Variants in SMG1 observed in about 807,000 individuals in gnomAD.
The protein encoded by SMG1 is serine/threonine-protein kinase SMG1.
In SMG1, 22 loss-of-function variants were observed where a neutral mutation model predicts 419.9. That is an observed-to-expected ratio of 0.05 (90% CI 0.04 to 0.07). SMG1 has a LOEUF of 0.07. SMG1 is among the 10% of genes least tolerant of loss of function. The probability of loss-of-function intolerance (pLI) is 1.00; values close to 1 mark genes in which losing one functional copy is unlikely to be tolerated. For synonymous variants in SMG1, 1,538 were observed against 1,553.5 expected (o/e 0.99, Z 0.23); for missense variants, 3,185 against 4,342.0 (o/e 0.73, Z 7.49).
intron 56 of SMG1, among the ~76,000 whole-genome samples, 175 bp downstream of exon 56, chr16:18,819,327 C>T (rs1417969464): frequency 6.6e-6 from 1 of 152,080 alleles, no homozygotes; most frequent in East Asian, 1.9e-4. Context: ...AAGGAAATAA[C>T]CTGCTGTGGG....
intron 23 of SMG1, among the ~76,000 whole-genome samples, chr16:18,865,078 A>C (rs2035428671): frequency 6.6e-6 from 1 of 152,240 alleles, no homozygotes; most frequent in Non-Finnish European, 1.5e-5. Context: ...TAATGCTGAA[A>C]TACAACATTA....
At chr16:18,925,698 G>A (rs976298542) in intron 1 of SMG1, 9 of 263,202 alleles carry the variant, frequency 3.4e-5, no homozygotes, top group Non-Finnish European at 6.4e-5. Context: ...CCGACCCCAG[G>A]CCAGTGCCAC....
chr16:18,860,633 A>C (rs974679439), intron 26 of SMG1, 34 bp downstream of exon 26: 6 of 945,842 alleles, frequency 6.3e-6, no homozygotes, highest in Non-Finnish European at 9.8e-6. Flanking sequence ...CAACTTGTCC[A>C]CTAAAATAAC....
chr16:18,846,419 T>A (rs1244340817), intron 38 of SMG1, among the ~76,000 whole-genome samples: 1 of 152,022 alleles, frequency 6.6e-6, no homozygotes, highest in East Asian at 1.9e-4. Flanking sequence ...CTATACACTA[T>A]GAAGAGAATG....
At chr16:18,899,871 C>T (rs960324941) in intron 1 of SMG1, 15 of 669,716 alleles carry the variant, frequency 2.2e-5, no homozygotes, top group East Asian at 1.9e-4. Context: ...CTTTAATATT[C>T]TAAAAATATC....
chr16:18,864,110 G>A lies in SMG1; in HGVS notation c.3385C>T (p.Leu1129=), dbSNP rs2035359048. The A allele has an allele frequency of 1.9e-6, 3 of 1,548,722 alleles. No individual in the cohort carries two copies. Among genetic ancestry groups the A allele is most frequent in the East Asian group, 2.4e-5 (1 of 40,890 alleles). ...CAATCAACACCTGTCATGGCACACA[G>A]GTGTTCCTGGTACTCCACAGAGGCC... is the stretch of plus-strand genomic sequence containing the variant. ...EKASVEYQEH[L]CAMTGVDCCI... The change falls in exon 24 of 63, where the codon CTG becomes TTG. Residue 1129 remains leucine, a synonymous_variant. Transcript: ENST00000446231.
At chr16:18,837,946 A>G (rs2033683251) in intron 45 of SMG1, 68 bp downstream of exon 45, 6 of 1,518,920 alleles carry the variant, frequency 4.0e-6, no homozygotes, top group East Asian at 2.4e-5. Flanking sequence ...TTGCCTCAAC[A>G]TTTTGATGAG....
rs2033694474 is a variant in SMG1, at chr16:18,838,114, T to C, written c.7313A>G (p.Tyr2438Cys). The C allele has an allele frequency of 6.2e-7, 1 of 1,613,804 alleles. No homozygotes were observed. Among genetic ancestry groups the C allele is most frequent in the Non-Finnish European group, 8.5e-7 (1 of 1,179,878 alleles). ...GGEAGFAGAV[Y>C]GGGGQQAESK... ...CTCGGCCTGCTGGCCACCTCCACCA[T>C]AGACAGCACCAGCAAACCCAGCCTC... is the stretch of plus-strand genomic sequence containing the variant. Residue 2438 changes from tyrosine to cysteine, a missense_variant, in exon 45 of 63, where the codon TAT (tyrosine) becomes TGT (cysteine). Tyr to Cys is a radical substitution (Grantham distance 194, BLOSUM62 -2). Coordinates refer to ENST00000446231, the MANE Select transcript of SMG1 (RefSeq NM_015092.5).
At chr16:18,837,519 T>C in intron 45 of SMG1, 76 bp from the exon 46 acceptor site, 15 of 1,271,942 alleles carry the variant, frequency 1.2e-5, no homozygotes, top group Non-Finnish European at 1.6e-5. Flanking sequence ...AAGAACATTT[T>C]GCACATCCTA....
chr16:18,875,988 G>A (rs899799065), intron 13 of SMG1, 136 bp downstream of exon 13: 1 of 883,632 alleles, frequency 1.1e-6, no homozygotes, highest in South Asian at 1.7e-5. Context: ...TATTTATCCA[G>A]GCATGTCTTA....
At chr16:18,907,749 G>C (rs2037622543) in intron 1 of SMG1, among the ~76,000 whole-genome samples, 2 of 150,318 alleles carry the variant, frequency 1.3e-5, no homozygotes, top group Admixed American at 6.7e-5. Context: ...CTACTCAGGG[G>C]GCTGAGGCAG....
At chr16:18,919,394 G>A (rs1302410540) in intron 1 of SMG1, among the ~76,000 whole-genome samples, 1 of 151,736 alleles carries the variant, frequency 6.6e-6, no homozygotes, top group African/African-American at 2.4e-5. Context: ...GGAGGCTGAG[G>A]CGGGCGGATC....
In SMG1 at chr16:18,838,701, G is replaced by A. The variant is rs374063569; in HGVS notation, c.6946-12C>T. 3 of 1,548,596 alleles carry A rather than the reference G, an allele frequency of 1.9e-6. No homozygotes were observed. The African/African-American group carries it at 4.2e-5, about 21-fold the overall frequency. ...GATCTTGCATAAGACTAAAGGAAAG[G>A]AAATGGGGGCAGCAAGTGAAACACC... On this transcript the variant is annotated splice_polypyrimidine_tract_variant and intron_variant, in intron 42 of 62. Transcript: ENST00000446231.
At chr16:18,885,915 C>T (rs1009148003) in intron 6 of SMG1, among the ~76,000 whole-genome samples, 29 of 151,916 alleles carry the variant, frequency 1.9e-4, no homozygotes, top group African/African-American at 6.5e-4. Context: ...TGCTGCACTC[C>T]AGCCTGGACA....
At chr16:18,921,153 AAAGAG>A (rs2038182996) in intron 1 of SMG1, among the ~76,000 whole-genome samples, 3 of 149,258 alleles carry the variant, frequency 2.0e-5, no homozygotes, top group Non-Finnish European at 4.4e-5. Flanking sequence ...AAAAAAAAAA[AAAGAG>A]AGAGAGAGAG....
In SMG1 at chr16:18,847,818, G is replaced by C; in HGVS notation, c.5839C>G (p.Gln1947Glu). The change falls in exon 37 of 63, where the codon CAG (glutamine) becomes GAG (glutamate). Residue 1947 changes from glutamine to glutamate, a missense_variant and splice_region_variant. Gln to Glu is a conservative substitution (Grantham distance 29). Around this residue, in one of 27 missense-constraint regions of SMG1, gnomAD observed 130 missense variants for 162.0 expected, o/e 0.80. Coordinates refer to ENST00000446231, the MANE Select transcript of SMG1 (RefSeq NM_015092.5). Reference protein sequence around the residue: ...LSSANPTMVLQVQMLVAELRR... With the variant: ...LSSANPTMVLEVQMLVAELRR... ...ACAACATGTGAGTTTCTTTGTACCT[G>C]TAATACCATGGTGGGGTTTGCAGAG... 6.2e-7 allele frequency: 1 copy of C among 1,613,524 alleles called. No homozygotes were observed. Among genetic ancestry groups the C allele is most frequent in the Non-Finnish European group, 8.5e-7 (1 of 1,179,664 alleles).
rs372145064 is a variant in SMG1 at position 18,918,963 on chromosome 16, C to G, written c.92+6987G>C. 1.1e-4 allele frequency among the ~76,000 whole-genome samples: 17 copies of G among 152,324 alleles called. No individual in the cohort carries two copies. In the East Asian group the frequency reaches 2.5e-3, roughly 22 times the overall value. ...CAAAATCCACATGCTCTCCCCTTTA[C>G]AAAGCCCTTTACTTTTCTCCCATAA... is the stretch of plus-strand genomic sequence containing the variant. On this transcript the variant is annotated intron_variant, in intron 1 of 62. Coordinates refer to ENST00000446231, the MANE Select transcript of SMG1 (RefSeq NM_015092.5).
At chr16:18,847,318 G>A (rs2034323671) in intron 38 of SMG1, 135 bp downstream of exon 38, 2 of 888,318 alleles carry the variant, frequency 2.3e-6, no homozygotes, top group African/African-American at 1.7e-5. Context: ...CGTGGTGATG[G>A]TTGTACAATA....
intron 10 of SMG1, among the ~76,000 whole-genome samples, chr16:18,881,901 C>T (rs965756701): frequency 9.9e-5 from 15 of 151,916 alleles, no homozygotes; most frequent in South Asian, 4.2e-4. Context: ...TATTTAAAAA[C>T]GAAAGAATAA....
Sources: allele counts gnomAD v4.1 joint callset (sites outside exome capture counted in the v4.1 genomes callset), GRCh38; gene constraint gnomAD v4.1.1; regional missense constraint gnomAD v4.1.1; transcripts MANE v1.5; gene names NCBI Gene and HGNC (gene_info 2026-07-23, HGNC 2026-07-21).